Variants in OTOG observed in about 807,000 individuals in gnomAD.
OTOG encodes otogelin.
In OTOG, 296 loss-of-function variants were observed where a neutral mutation model predicts 313.8. The observed-to-expected ratio is 0.94, with a 90% CI of 0.86 to 1.04. The LOEUF is 1.04. Ranked by LOEUF, OTOG falls within the 50% of genes least tolerant of loss-of-function variation. OTOG has a pLI of 0.00. For synonymous variants in OTOG, 1,533 were observed against 1,554.9 expected (o/e 0.99, Z 0.33); for missense variants, 3,948 against 3,840.1 (o/e 1.03, Z -0.74).
chr11:17,623,242 A>T (rs1853907397), intron 39 of OTOG, among the ~76,000 whole-genome samples: 1 of 152,054 alleles, frequency 6.6e-6, no homozygotes, highest in Admixed American at 6.6e-5. Flanking sequence ...TTATTTTGTC[A>T]CCCAGGTATT....
In OTOG at chr11:17,610,062, A is replaced by G. The variant is rs1254334674; in HGVS notation, c.4762A>G (p.Thr1588Ala). The change falls in exon 36 of 56, where the codon ACA becomes GCA. Residue 1588 changes from threonine to alanine, a missense_variant. Transcript: ENST00000399397. Reference protein sequence around the residue: ...TPGMVSGAMETTRVTVIFAGS... With the variant: ...TPGMVSGAMEATRVTVIFAGS... ...TGGCATGGTGTCAGGTGCCATGGAG[A>G]CAACAAGGGTGACTGTGATCTTTGC... is the stretch of plus-strand genomic sequence containing the variant. 1.3e-6 allele frequency: 2 copies of G among 1,550,322 alleles called. No homozygotes were observed. The highest frequency in any genetic ancestry group is 1.2e-5 in the South Asian group (1 of 84,048).
At position 17,628,688 on chromosome 11, in the gene OTOG, G is replaced by C. The variant is rs565076064; in HGVS notation, c.6529-445G>C. On this transcript the variant is annotated intron_variant, in intron 39 of 55. Coordinates refer to ENST00000399397, the MANE Select transcript of OTOG (RefSeq NM_001292063.2). ...ACAGATACTTAATGGCCAGCACAGA[G>C]ATGAGGAAAGCCCAGAGCAGGGGTA... 2.6e-5 allele frequency among the ~76,000 whole-genome samples: 4 copies of C among 152,336 alleles called. No homozygotes were observed. In the South Asian group the frequency reaches 8.3e-4, roughly 32 times the overall value.
At chr11:17,570,573 C>T in intron 17 of OTOG, 183 bp downstream of exon 17, 1 of 613,568 alleles carries the variant, frequency 1.6e-6, no homozygotes, top group Non-Finnish European at 2.7e-6. Flanking sequence ...GTTCACAGTC[C>T]TCTATGTGTG....
intron 39 of OTOG, 46 bp downstream of exon 39, chr11:17,613,747 C>A: frequency 6.7e-7 from 1 of 1,498,018 alleles, no homozygotes; most frequent in Admixed American, 2.0e-5. Flanking sequence ...CCACAGTCAG[C>A]TGAGGGACAG....
intron 23 of OTOG, among the ~76,000 whole-genome samples, chr11:17,582,720 T>C (rs1412634687): frequency 6.6e-6 from 1 of 152,240 alleles, no homozygotes; most frequent in East Asian, 1.9e-4. Flanking sequence ...TGACTGTGAG[T>C]AATTTTTCAT....
rs542868340 is a variant in OTOG at position 17,615,955 on chromosome 11, T to G, written c.6528+2254T>G. 2.6e-5 allele frequency among the ~76,000 whole-genome samples: 4 copies of G among 152,274 alleles called. No individual in the cohort carries two copies. In the East Asian group the frequency reaches 7.7e-4, roughly 29 times the overall value. On this transcript the variant is annotated intron_variant, in intron 39 of 55. Coordinates refer to ENST00000399397, the MANE Select transcript of OTOG (RefSeq NM_001292063.2). ...AAAAAAAATTAATGTTTGGGATAATTTATATGCTTTTTATTTTGTCCTATT... is the reference window on the plus strand; with the variant it reads ...AAAAAAAATTAATGTTTGGGATAATGTATATGCTTTTTATTTTGTCCTATT...
intron 44 of OTOG, 76 bp from the exon 45 acceptor site, chr11:17,634,768 T>C: frequency 7.9e-7 from 1 of 1,272,936 alleles, no homozygotes; most frequent in East Asian, 2.6e-5. Flanking sequence ...GTTGGGCAGT[T>C]GTCCAGTGTT....
Position 17,639,461 on chromosome 11 carries a change from C to A in OTOG, c.7933C>A (p.Leu2645Met). 6.4e-7 allele frequency: 1 copy of A among 1,550,674 alleles called. No individual in the cohort carries two copies. The highest frequency in any genetic ancestry group is 8.7e-7 in the Non-Finnish European group (1 of 1,146,984). The change falls in exon 49 of 56, where the codon CTG becomes ATG. Residue 2645 changes from leucine to methionine, a missense_variant and splice_region_variant. Leu to Met is a conservative substitution (Grantham distance 15). Coordinates refer to ENST00000399397, the MANE Select transcript of OTOG (RefSeq NM_001292063.2). ...CACAATCCCGGTGCCCCGGTGCCAT[C>A]TGGTATGGAGACGCTCCTCCCCCAA... is the stretch of plus-strand genomic sequence containing the variant. Reference protein sequence around the residue: ...CDTIPVPRCHLWEKSQLDEEF... With the variant: ...CDTIPVPRCHMWEKSQLDEEF...
In OTOG at chr11:17,611,371, T is replaced by C. The variant is rs1170221551; in HGVS notation, c.6071T>C (p.Leu2024Ser). The change falls in exon 36 of 56, where the codon TTG becomes TCG. Residue 2024 changes from leucine (L) to serine (S), a missense_variant. Transcript: ENST00000399397. ...SAPALSIVEG[L>S]AEALATTTEA... The stretch of plus-strand genomic sequence containing the variant: ...CCAGCCCTGAGCATCGTAGAGGGTT[T>C]GGCGGAGGCTTTGGCAACTACCACT... 6.5e-7 allele frequency: 1 copy of C among 1,544,758 alleles called. No individual in the cohort carries two copies. Among genetic ancestry groups the C allele is most frequent in the East Asian group, 2.5e-5 (1 of 40,736 alleles).
chr11:17,642,242 C>G lies in OTOG; in HGVS notation c.8411C>G (p.Ala2804Gly). 2 of 1,548,448 alleles carry G rather than the reference C, an allele frequency of 1.3e-6. No individual in the cohort carries two copies. Among genetic ancestry groups the G allele is most frequent in the Non-Finnish European group, 1.7e-6 (2 of 1,145,824 alleles). ...CCACCGCTCAATGAGACTGAGTGTG[C>G]CAAGGTCAGTGCCTCCTTCTCCACT... ...SCPPLNETEC[A>G]KVGGSVVPSL... The change falls in exon 53 of 56, where the codon GCC (alanine) becomes GGC (glycine). Residue 2804 changes from alanine (A) to glycine (G), a missense_variant. Ala to Gly is a moderately conservative substitution (Grantham distance 60, BLOSUM62 0). Coordinates refer to ENST00000399397, the MANE Select transcript of OTOG (RefSeq NM_001292063.2).
In OTOG at chr11:17,634,183, T is replaced by C; in HGVS notation, c.7382T>C (p.Leu2461Pro). 6.5e-7 allele frequency: 1 copy of C among 1,550,356 alleles called. No homozygotes were observed. Among genetic ancestry groups the C allele is most frequent in the African/African-American group, 1.4e-5 (1 of 73,152 alleles). ...QAPDTIVPVD[L>P]GCPSPRPESC... ...CCAGACACCATTGTCCCGGTGGATC[T>C]GGGCTGCCCCAGTCCCCGCCCTGAG... The change falls in exon 44 of 56, where the codon CTG becomes CCG. Residue 2461 changes from leucine to proline, a missense_variant. Physicochemically the swap from Leu to Pro is moderately conservative, Grantham distance 98. Transcript: ENST00000399397.
In OTOG at chr11:17,594,136, G is replaced by A. The variant is rs1565108338; in HGVS notation, c.3378G>A (p.Gln1126=). The change falls in exon 28 of 56, where the codon CAG becomes CAA. Residue 1126 remains glutamine, a synonymous_variant. Transcript: ENST00000399397. The part of the protein sequence containing the change: ...TPENLELTNP[Q]EFGSSWAAVE... ...AGAACCTAGAGCTAACTAACCCCCAGGAGTTTGGCAGCAGTTGGGCTGCAG... is the reference window on the plus strand; with the variant it reads ...AGAACCTAGAGCTAACTAACCCCCAAGAGTTTGGCAGCAGTTGGGCTGCAG... 1 of 1,550,616 alleles carries A rather than the reference G, an allele frequency of 6.4e-7. No individual in the cohort carries two copies. The highest frequency in any genetic ancestry group is 1.2e-5 in the South Asian group (1 of 84,066).
Position 17,640,924 on chromosome 11 carries a change from G to A in OTOG, c.8023G>A (p.Val2675Met). 6.5e-7 allele frequency: 1 copy of A among 1,548,404 alleles called. No homozygotes were observed. Among genetic ancestry groups the A allele is most frequent in the Non-Finnish European group, 8.7e-7 (1 of 1,146,922 alleles). The change falls in exon 51 of 56, where the codon GTG (valine) becomes ATG (methionine). Residue 2675 changes from valine (V) to methionine (M), a missense_variant. Physicochemically the swap from Val to Met is conservative, Grantham distance 21 (BLOSUM62 1). Transcript: ENST00000399397. Reference protein sequence around the residue: ...CAKYECVKAPVCLSRELGVMQ... With the variant: ...CAKYECVKAPMCLSRELGVMQ... The stretch of plus-strand genomic sequence containing the variant: ...GCATGCCCATCCAGTGAAGGCCCCG[G>A]TGTGTCTGAGCCGCGAGCTGGGTGT...
intron 54 of OTOG, among the ~76,000 whole-genome samples, chr11:17,643,973 C>T (rs935667658): frequency 6.6e-6 from 1 of 152,236 alleles, no homozygotes; most frequent in Admixed American, 6.5e-5. Flanking sequence ...CACTGTCGCC[C>T]AGGTACTCCT....
intron 48 of OTOG, among the ~76,000 whole-genome samples, chr11:17,639,208 C>A (rs974908880): frequency 6.6e-6 from 1 of 152,126 alleles, no homozygotes; most frequent in Non-Finnish European, 1.5e-5. Context: ...CCCATCACTG[C>A]CCACCTACCT....
rs150296854 is a variant in OTOG at position 17,638,623 on chromosome 11, G to A, written c.7894+74G>A. 8.6e-5 allele frequency: 129 copies of A among 1,503,422 alleles called. No individual in the cohort carries two copies. In the African/African-American group the frequency reaches 1.2e-3, roughly 14 times the overall value. 93.1% of individuals were successfully genotyped at this position (1,503,422 alleles called of 1,614,324 possible). On this transcript the variant is annotated intron_variant, in intron 48 of 55. Coordinates refer to ENST00000399397, the MANE Select transcript of OTOG (RefSeq NM_001292063.2). ...TGCTGAGGAGGGATTGAGGGAGCCC[G>A]GCCTACCACCGTCCACTCCTCTCAG...
Position 17,642,141 on chromosome 11 carries a change from G to C in OTOG, c.8310G>C (p.Trp2770Cys). The change falls in exon 53 of 56, where the codon TGG becomes TGC. Residue 2770 changes from tryptophan to cysteine, a missense_variant. Coordinates refer to ENST00000399397, the MANE Select transcript of OTOG (RefSeq NM_001292063.2). The part of the protein sequence containing the change: ...TTSLFLPGAS[W>C]IADCARHHCS... ...GTGCCCTCCAGCCCGGGGCATCCTG[G>C]ATCGCAGACTGCGCCCGCCACCACT... 1.3e-6 allele frequency: 2 copies of C among 1,545,896 alleles called. No homozygotes were observed. The highest frequency in any genetic ancestry group is 1.7e-4 in the Middle Eastern group (1 of 5,960).
At chr11:17,634,693 A>G in intron 44 of OTOG, 151 bp from the exon 45 acceptor site, 4 of 641,904 alleles carry the variant, frequency 6.2e-6, no homozygotes, top group Non-Finnish European at 1.1e-5. Context: ...TGTGACCCTC[A>G]ATGACCTCAT....
intron 15 of OTOG, among the ~76,000 whole-genome samples, chr11:17,564,231 C>T (rs1252060597): frequency 6.6e-6 from 1 of 152,188 alleles, no homozygotes; most frequent in Non-Finnish European, 1.5e-5. Flanking sequence ...TATCTTCAGG[C>T]TCTTGTGGCC....
Sources: gnomAD v4.1 joint callset for allele counts (sites outside exome capture counted in the v4.1 genomes callset) on GRCh38, gnomAD v4.1.1 for gene constraint, MANE v1.5 for transcripts, NCBI Gene and HGNC (gene_info 2026-07-23, HGNC 2026-07-21) for gene names.